Variants in STK32B observed in about 807,000 individuals in gnomAD.
STK32B encodes serine/threonine-protein kinase 32B.
STK32B carries 43 observed loss-of-function variants against 52.6 expected under a neutral mutation model. That is an observed-to-expected ratio of 0.82 (90% CI 0.64 to 1.05). STK32B has a LOEUF of 1.05. STK32B is among the 50% of genes least tolerant of loss of function. The pLI, the probability that STK32B is intolerant of heterozygous loss-of-function variation, is 0.00. For missense variants in STK32B, 621 were observed against 534.6 expected (o/e 1.16, Z -1.59); for synonymous variants, 238 against 204.3 (o/e 1.17, Z -1.41).
intron 2 of STK32B, among the ~76,000 whole-genome samples, chr4:5,163,778 C>A (rs1425059378): frequency 6.6e-6 from 1 of 152,208 alleles, no homozygotes; most frequent in Non-Finnish European, 1.5e-5. Flanking sequence ...TCAGTAAATT[C>A]TCCCTATTTC....
intron 4 of STK32B, among the ~76,000 whole-genome samples, chr4:5,354,686 A>G (rs1042242704): frequency 7.9e-5 from 12 of 152,246 alleles, no homozygotes; most frequent in African/African-American, 2.9e-4. Context: ...AAAACTTAAA[A>G]TACTTAAAAT....
At chr4:5,491,754 T>C (rs1719754885) in intron 11 of STK32B, among the ~76,000 whole-genome samples, 3 of 151,798 alleles carry the variant, frequency 2.0e-5, no homozygotes, top group Non-Finnish European at 1.5e-5. Context: ...TTAATTTTTG[T>C]ATAAGGTGTA....
At chr4:5,401,812 C>T (rs1229250843) in intron 5 of STK32B, among the ~76,000 whole-genome samples, 7 of 152,174 alleles carry the variant, frequency 4.6e-5, no homozygotes, top group East Asian at 1.9e-4. Context: ...TAACTTAAAT[C>T]GCATAAACAA....
At chr4:5,484,400 A>G (rs1391609301) in intron 11 of STK32B, among the ~76,000 whole-genome samples, 4 of 152,142 alleles carry the variant, frequency 2.6e-5, no homozygotes, top group African/African-American at 4.8e-5. Context: ...ATCAGAGACT[A>G]GGATTGCAAC....
chr4:5,067,541 C>G (rs1742471299), intron 1 of STK32B, among the ~76,000 whole-genome samples: 1 of 152,090 alleles, frequency 6.6e-6, no homozygotes, highest in Non-Finnish European at 1.5e-5. Context: ...TTCCCAGTAT[C>G]TAAAGGAGAA....
intron 3 of STK32B, among the ~76,000 whole-genome samples, chr4:5,203,518 G>T (rs1722319514): frequency 6.6e-6 from 1 of 151,896 alleles, no homozygotes; most frequent in Admixed American, 6.6e-5. Context: ...CCCTTGTAGT[G>T]CTGAGCACTG....
intron 1 of STK32B, among the ~76,000 whole-genome samples, chr4:5,092,979 T>A (rs772059779): frequency 1.2e-4 from 18 of 152,282 alleles, no homozygotes; most frequent in Middle Eastern, 3.4e-3. Context: ...ACAATAAATG[T>A]GAACAAACAC....
At chr4:5,175,720 G>T (rs1249896867) in intron 3 of STK32B, among the ~76,000 whole-genome samples, 1 of 152,208 alleles carries the variant, frequency 6.6e-6, no homozygotes, top group African/African-American at 2.4e-5. Context: ...CTACTGGGGG[G>T]TGCCTCCCAG....
At chr4:5,020,677 A>C in the STK32B span, among the ~76,000 whole-genome samples, 3 of 152,186 alleles carry the variant, frequency 2.0e-5, no homozygotes, top group Non-Finnish European at 4.4e-5. Flanking sequence ...TCTTGCAGGC[A>C]GAGATGAGTT....
chr4:5,384,804 A>G (rs1283952812), intron 4 of STK32B, among the ~76,000 whole-genome samples: 1 of 152,152 alleles, frequency 6.6e-6, no homozygotes, highest in East Asian at 1.9e-4. Context: ...AGGAAACAGA[A>G]GGAAGGGGCT....
intron 5 of STK32B, among the ~76,000 whole-genome samples, chr4:5,413,457 C>T (rs1711880162): frequency 1.3e-5 from 2 of 152,162 alleles, no homozygotes; most frequent in African/African-American, 4.8e-5. Context: ...GCTGTTTTTC[C>T]TTGTGGTCGC....
At chr4:5,302,761 C>T (rs1729647490) in intron 3 of STK32B, among the ~76,000 whole-genome samples, 1 of 152,022 alleles carries the variant, frequency 6.6e-6, no homozygotes, top group African/African-American at 2.4e-5. Flanking sequence ...TCCCTCCCAC[C>T]CTTCCCTCAA....
At chr4:5,187,006 A>C (rs1369325611) in intron 3 of STK32B, among the ~76,000 whole-genome samples, 3 of 152,222 alleles carry the variant, frequency 2.0e-5, no homozygotes, top group Non-Finnish European at 4.4e-5. Context: ...AGAGGGCTGC[A>C]TGAGGAGCCA....
intron 6 of STK32B, among the ~76,000 whole-genome samples, chr4:5,427,785 C>T (rs530548235): frequency 1.3e-5 from 2 of 152,152 alleles, no homozygotes; most frequent in East Asian, 1.9e-4. Context: ...GATGTTTTCT[C>T]TCTGGTTTTC....
At chr4:5,036,058 A>G in the STK32B span, among the ~76,000 whole-genome samples, 2 of 152,156 alleles carry the variant, frequency 1.3e-5, no homozygotes, top group South Asian at 2.1e-4. Flanking sequence ...CTGGGATTAC[A>G]GGCGTGAGCC....
At chr4:5,465,127 C>T (rs1018510845) in intron 9 of STK32B, among the ~76,000 whole-genome samples, 2 of 152,156 alleles carry the variant, frequency 1.3e-5, no homozygotes, top group African/African-American at 4.8e-5. Context: ...GCCTCTAGGA[C>T]TGAGAAAGCA....
At chr4:5,064,904 C>A (rs1742358941) in intron 1 of STK32B, among the ~76,000 whole-genome samples, 1 of 148,868 alleles carries the variant, frequency 6.7e-6, no homozygotes, top group South Asian at 2.1e-4. Context: ...CCTTCTCCTC[C>A]TTAAGATTTA....
intron 1 of STK32B, among the ~76,000 whole-genome samples, chr4:5,064,164 T>C (rs1742320012): frequency 6.6e-6 from 1 of 150,992 alleles, no homozygotes; most frequent in South Asian, 2.1e-4. Flanking sequence ...GTCATACTTA[T>C]TAAGCTTTCC....
intron 4 of STK32B, among the ~76,000 whole-genome samples, chr4:5,356,217 A>G (rs1326128997): frequency 6.6e-6 from 1 of 152,140 alleles, no homozygotes; most frequent in Non-Finnish European, 1.5e-5. Context: ...CTGTGGCAGC[A>G]TCACTCTGAT....
Sources: allele counts gnomAD v4.1 joint callset (sites outside exome capture counted in the v4.1 genomes callset), GRCh38; gene constraint gnomAD v4.1.1; transcripts MANE v1.5; gene names NCBI Gene and HGNC (gene_info 2026-07-23, HGNC 2026-07-21).